CDKAL1: variants seen among roughly 807,000 people sequenced by gnomAD.
CDKAL1 encodes threonylcarbamoyladenosine tRNA methylthiotransferase.
Under a neutral mutation model 68.2 loss-of-function variants are expected in CDKAL1, and 32 were observed. That is an observed-to-expected ratio of 0.47 (90% CI 0.35 to 0.63). CDKAL1 has a LOEUF of 0.63. Among genes scored for constraint, CDKAL1 ranks in the 30% least tolerant of loss-of-function variants. CDKAL1 has a pLI of 0.00. For synonymous variants in CDKAL1, 234 were observed against 244.3 expected (o/e 0.96, Z 0.39); for missense variants, 606 against 696.7 (o/e 0.87, Z 1.47).
intron 13 of CDKAL1, among the ~76,000 whole-genome samples, chr6:21,120,810 A>G (rs1179034274): frequency 6.6e-6 from 1 of 152,194 alleles, no homozygotes; most frequent in East Asian, 1.9e-4. Context: ...AGCTGTATAT[A>G]TTATATACCA....
At chr6:21,216,186 G>A (rs528037553) in intron 15 of CDKAL1, among the ~76,000 whole-genome samples, 7 of 152,280 alleles carry the variant, frequency 4.6e-5, no homozygotes, top group African/African-American at 1.7e-4. Flanking sequence ...CTAAAAAATG[G>A]TAAATTTGTA....
chr6:21,031,445 C>T (rs998449543), intron 11 of CDKAL1, among the ~76,000 whole-genome samples: 3 of 151,862 alleles, frequency 2.0e-5, no homozygotes, highest in Non-Finnish European at 4.4e-5. Context: ...TTAAGTACAT[C>T]TGTAAGATCC....
At chr6:20,625,407 CA>C (rs1561977000) in intron 4 of CDKAL1, among the ~76,000 whole-genome samples, 1 of 152,028 alleles carries the variant, frequency 6.6e-6, no homozygotes, top group Non-Finnish European at 1.5e-5. Context: ...AGAAGAATTT[CA>C]ATGGTGTGTG....
chr6:21,092,084 C>CAGA (rs1385255142), intron 12 of CDKAL1, among the ~76,000 whole-genome samples: 1 of 151,050 alleles, frequency 6.6e-6, no homozygotes, highest in Non-Finnish European at 1.5e-5. Context: ...GACGGGGTTT[C>CAGA]ACCATGTTAG....
intron 11 of CDKAL1, among the ~76,000 whole-genome samples, chr6:21,010,991 A>G (rs1234267044): frequency 6.6e-6 from 1 of 150,424 alleles, no homozygotes; most frequent in Non-Finnish European, 1.5e-5. Flanking sequence ...CTGAGGCAGG[A>G]GAATGGTGTG....
At chr6:21,176,260 G>A (rs907780375) in intron 13 of CDKAL1, among the ~76,000 whole-genome samples, 1 of 152,200 alleles carries the variant, frequency 6.6e-6, no homozygotes, top group Non-Finnish European at 1.5e-5. Context: ...ATTTTTGTAT[G>A]CATGTAAGTA....
intron 4 of CDKAL1, among the ~76,000 whole-genome samples, chr6:20,615,073 TC>T (rs1215549480): frequency 9.9e-5 from 13 of 130,840 alleles, no homozygotes; most frequent in African/African-American, 3.8e-4. Flanking sequence ...AATGATAATT[TC>T]CAATTTCATC....
intron 13 of CDKAL1, among the ~76,000 whole-genome samples, chr6:21,184,420 C>T (rs988275153): frequency 6.6e-6 from 1 of 152,060 alleles, no homozygotes; most frequent in Non-Finnish European, 1.5e-5. Flanking sequence ...GTCTCTAACT[C>T]CTGGCCTCAA....
intron 13 of CDKAL1, among the ~76,000 whole-genome samples, chr6:21,170,919 CTT>C (rs1284070542): frequency 3.3e-5 from 5 of 152,100 alleles, no homozygotes; most frequent in Non-Finnish European, 7.3e-5. Context: ...TTTAAATTAT[CTT>C]AATACTAAAT....
In CDKAL1 at chr6:20,979,333, T is replaced by G. The variant is rs900338446; in HGVS notation, c.910-20894T>G. The stretch of plus-strand genomic sequence containing the variant: ...AATGTACAATGTGGTAATTGCCTGA[T>G]AGAGACACAAAACACTCTAAATGAG... On this transcript the variant is annotated intron_variant, in intron 10 of 15. Coordinates refer to ENST00000274695, the MANE Select transcript of CDKAL1 (RefSeq NM_017774.3). 2.0e-5 allele frequency among the ~76,000 whole-genome samples: 3 copies of G among 152,182 alleles called. No individual in the cohort carries two copies. The East Asian group carries it at 5.8e-4, about 29-fold the overall frequency.
At chr6:20,843,024 C>T (rs561635888) in intron 8 of CDKAL1, among the ~76,000 whole-genome samples, 53 of 151,926 alleles carry the variant, frequency 3.5e-4, no homozygotes, top group African/African-American at 1.1e-3. Flanking sequence ...AGTGATTTTC[C>T]GTGGGGAATA....
intron 6 of CDKAL1, among the ~76,000 whole-genome samples, chr6:20,747,870 C>T (rs955347946): frequency 1.3e-5 from 2 of 152,010 alleles, no homozygotes; most frequent in African/African-American, 4.8e-5. Flanking sequence ...CTTTTTGTTG[C>T]CTGAGCTTTT....
chr6:20,636,344 C>A (rs1275576910), intron 4 of CDKAL1, among the ~76,000 whole-genome samples: 1 of 152,100 alleles, frequency 6.6e-6, no homozygotes, highest in Non-Finnish European at 1.5e-5. Context: ...TGCCATGTAA[C>A]CACATTTCTC....
chr6:21,014,973 A>T (rs1238520970), intron 11 of CDKAL1, among the ~76,000 whole-genome samples: 1 of 152,152 alleles, frequency 6.6e-6, no homozygotes, highest in East Asian at 1.9e-4. Context: ...TTCACATTCT[A>T]GATTTCCTTA....
At chr6:20,717,519 T>C (rs1303648575) in intron 5 of CDKAL1, among the ~76,000 whole-genome samples, 2 of 152,008 alleles carry the variant, frequency 1.3e-5, no homozygotes, top group African/African-American at 4.8e-5. Context: ...ATAGATATGA[T>C]GGTGTAATGA....
chr6:20,776,473 G>T (rs530102964), intron 7 of CDKAL1, among the ~76,000 whole-genome samples: 71 of 152,274 alleles, frequency 4.7e-4, no homozygotes, highest in Non-Finnish European at 7.9e-4. Flanking sequence ...ATGACTGATG[G>T]TGTTATTACT....
chr6:21,065,615 G>A (rs1771394052), intron 12 of CDKAL1, among the ~76,000 whole-genome samples: 1 of 148,924 alleles, frequency 6.7e-6, no homozygotes. Flanking sequence ...GTTTGTTATT[G>A]ATTGGGATCC....
At chr6:20,880,436 T>A (rs977518848) in intron 9 of CDKAL1, among the ~76,000 whole-genome samples, 55 of 152,084 alleles carry the variant, frequency 3.6e-4, no homozygotes, top group Non-Finnish European at 6.2e-4. Flanking sequence ...TTGTATTTTT[T>A]AGTAGGGACA....
At chr6:20,623,637 TGGAG>T (rs1234981230) in intron 4 of CDKAL1, among the ~76,000 whole-genome samples, 1 of 152,072 alleles carries the variant, frequency 6.6e-6, no homozygotes, top group Admixed American at 6.6e-5. Context: ...GAATCAAAGT[TGGAG>T]GGTAGTTATT....
Sources: gnomAD v4.1 joint callset for allele counts (sites outside exome capture counted in the v4.1 genomes callset) on GRCh38, gnomAD v4.1.1 for gene constraint, MANE v1.5 for transcripts, NCBI Gene and HGNC (gene_info 2026-07-23, HGNC 2026-07-21) for gene names.